The following CACNA1C variants were observed in gnomAD, a reference collection of about 807,000 sequenced individuals.
CACNA1C encodes the protein voltage-dependent L-type calcium channel subunit alpha-1C.
In CACNA1C, 30 loss-of-function variants were observed where a neutral mutation model predicts 229.0. The observed-to-expected ratio is 0.13, with a 90% CI of 0.10 to 0.18. The LOEUF (loss-of-function observed/expected upper bound fraction) is 0.18, where lower values mean the gene tolerates loss of function less well. CACNA1C is among the 10% of genes least tolerant of loss of function. The probability of loss-of-function intolerance (pLI) is 1.00; values close to 1 mark genes in which losing one functional copy is unlikely to be tolerated. For missense variants in CACNA1C, 1,658 were observed against 2,845.0 expected (o/e 0.58, Z 9.49); for synonymous variants, 1,114 against 1,132.5 (o/e 0.98, Z 0.33).
At position 2,345,011 on chromosome 12, in the gene CACNA1C, T is replaced by C. The variant is rs190425325; in HGVS notation, c.478-103965T>C. Among the ~76,000 whole-genome samples the C allele has an allele frequency of 1.3e-3, 198 of 149,682 alleles. 1 individual carries two copies. The highest frequency in any genetic ancestry group is 2.3e-3 in the Non-Finnish European group (158 of 67,698). On this transcript the variant is annotated intron_variant, in intron 3 of 46. Transcript: ENST00000399655. Reference sequence around the variant, plus strand: ...GATTCCAGCTTTTCCCAAACATTTTTGGCCTTGAAATGAAGCTGGGAACCA... The same window carrying C: ...GATTCCAGCTTTTCCCAAACATTTTCGGCCTTGAAATGAAGCTGGGAACCA...
intron 5 of CACNA1C, among the ~76,000 whole-genome samples, chr12:2,468,911 G>A (rs2099575065): frequency 6.6e-6 from 1 of 152,246 alleles, no homozygotes; most frequent in Non-Finnish European, 1.5e-5. Flanking sequence ...TGCCTGCCGT[G>A]CTCACCTTTC....
chr12:2,359,577 G>A (rs1422268658), intron 3 of CACNA1C, among the ~76,000 whole-genome samples: 3 of 149,692 alleles, frequency 2.0e-5, no homozygotes, highest in Admixed American at 6.7e-5. Context: ...GACACAAACT[G>A]TTCAAGGGAA....
At chr12:2,390,200 G>T (rs2098459217) in intron 3 of CACNA1C, among the ~76,000 whole-genome samples, 1 of 152,152 alleles carries the variant, frequency 6.6e-6, no homozygotes, top group Admixed American at 6.5e-5. Flanking sequence ...ATGTAATTTT[G>T]CATTCAAACA....
rs1206044695 is a variant in CACNA1C, at chr12:2,034,366, A to G, written c.139+63165A>G. On this transcript the variant is annotated intron_variant, in intron 1 of 46. Coordinates refer to the CACNA1C transcript ENST00000682462. The surrounding 1 kb of genome is among the most constrained non-coding windows in gnomAD (Gnocchi z 4.1). ...GATAACTGAAAGAGAACTACAGGGA[A>G]GATGTCAGAGGAACGAGATTCCACG... Among the ~76,000 whole-genome samples, 1 of 152,210 alleles carries G rather than the reference A, an allele frequency of 6.6e-6. No individual in the cohort carries two copies. Among genetic ancestry groups the G allele is most frequent in the Non-Finnish European group, 1.5e-5 (1 of 68,032 alleles).
chr12:2,528,489 G>A (rs982717208), intron 9 of CACNA1C, among the ~76,000 whole-genome samples: 12 of 152,170 alleles, frequency 7.9e-5, no homozygotes, highest in Non-Finnish European at 1.8e-4. Context: ...TTCTTCCAAC[G>A]ATCCTCTGCA....
At chr12:2,286,023 C>T (rs1591699429) in intron 3 of CACNA1C, among the ~76,000 whole-genome samples, 1 of 152,274 alleles carries the variant, frequency 6.6e-6, no homozygotes, top group Admixed American at 6.5e-5. Context: ...GTCTCCTAGT[C>T]CTGTCGCCTG....
intron 9 of CACNA1C, among the ~76,000 whole-genome samples, chr12:2,536,019 C>G (rs2099854209): frequency 1.3e-5 from 2 of 152,242 alleles, no homozygotes; most frequent in East Asian, 1.9e-4. Flanking sequence ...TTTAAGGCAG[C>G]AATTTACTTG....
At chr12:2,690,530 C>G (rs1012608076) in intron 46 of CACNA1C, among the ~76,000 whole-genome samples, 1 of 152,182 alleles carries the variant, frequency 6.6e-6, no homozygotes, top group African/African-American at 2.4e-5. Flanking sequence ...ACGAAGTTTC[C>G]CTGTGTTGCC....
chr12:2,173,044 G>C (rs76191534), intron 3 of CACNA1C, among the ~76,000 whole-genome samples: 5,783 of 152,270 alleles, frequency 0.038, 362 homozygotes, highest in African/African-American at 0.13. Flanking sequence ...TGTGAGCGAG[G>C]GAAGCAGTGG....
chr12:2,389,892 G>A (rs1216462822), intron 3 of CACNA1C, among the ~76,000 whole-genome samples: 1 of 152,056 alleles, frequency 6.6e-6, no homozygotes, highest in Admixed American at 6.6e-5. Flanking sequence ...GTGAATTCCC[G>A]TATTTCCCTC....
At chr12:2,394,308 C>G (rs1299764926) in intron 3 of CACNA1C, among the ~76,000 whole-genome samples, 3 of 152,164 alleles carry the variant, frequency 2.0e-5, no homozygotes, top group African/African-American at 7.2e-5. Flanking sequence ...AACTTGGACA[C>G]AGCCATGATA....
rs376249485 is a variant in CACNA1C at position 2,080,605 on chromosome 12, A to AAAAAAAAC, written c.49+27000_49+27001insACAAAAAA. 3.1e-3 allele frequency among the ~76,000 whole-genome samples: 454 copies of AAAAAAAAC among 147,622 alleles called. 3 individuals are homozygous for AAAAAAAAC. Among genetic ancestry groups the AAAAAAAAC allele is most frequent in the African/African-American group, 4.2e-3 (168 of 40,074 alleles). On this transcript the variant is annotated intron_variant, in intron 1 of 46. Coordinates refer to ENST00000399655, the MANE Select transcript of CACNA1C (RefSeq NM_000719.7). ...AACAGAGTGAGACTCTGTCTCAAAAAAAAAAACAAAAAACAAAGAGATAAA... is the reference window on the plus strand; with the variant it reads ...AACAGAGTGAGACTCTGTCTCAAAAAAAAAAAACAAAAAACAAAAAACAAAGAGATAAA...
At chr12:2,165,807 G>A (rs533667974) in intron 3 of CACNA1C, among the ~76,000 whole-genome samples, 1 of 152,276 alleles carries the variant, frequency 6.6e-6, no homozygotes, top group South Asian at 2.1e-4. Context: ...TGTGCAGTAG[G>A]TGAGCTAGAC....
intron 1 of CACNA1C, among the ~76,000 whole-genome samples, chr12:2,092,811 T>G (rs2071847597): frequency 6.6e-6 from 1 of 152,222 alleles, no homozygotes; most frequent in Non-Finnish European, 1.5e-5. Context: ...TTAGCAAAGA[T>G]CACATGGTCA....
chr12:2,675,978 C>T (rs546164518), intron 39 of CACNA1C: 8 of 152,306 alleles, frequency 5.3e-5, no homozygotes, highest in African/African-American at 4.8e-5. Flanking sequence ...TTGGGCTAAG[C>T]GAAAATCTCG....
chr12:2,584,233 G>T (rs1455935887), intron 15 of CACNA1C, among the ~76,000 whole-genome samples: 1 of 152,216 alleles, frequency 6.6e-6, no homozygotes, highest in African/African-American at 2.4e-5. Context: ...CAATTAAAGT[G>T]CAAGGCAGGG....
intron 3 of CACNA1C, among the ~76,000 whole-genome samples, chr12:2,314,167 C>A (rs2095571375): frequency 6.6e-6 from 1 of 152,198 alleles, no homozygotes; most frequent in African/African-American, 2.4e-5. Flanking sequence ...TTCTGAGGAG[C>A]TTGCAGCCTT....
chr12:2,509,403 G>A (rs899829768), intron 8 of CACNA1C, among the ~76,000 whole-genome samples: 1 of 152,148 alleles, frequency 6.6e-6, no homozygotes, highest in Non-Finnish European at 1.5e-5. Flanking sequence ...ATGAAGTAGT[G>A]GACACTGAGA....
Position 2,593,295 on chromosome 12 carries a change from A to G in CACNA1C, c.2613A>G (p.Ala871=). 1 of 1,613,864 alleles carries G rather than the reference A, an allele frequency of 6.2e-7. No individual in the cohort carries two copies. The highest frequency in any genetic ancestry group is 8.5e-7 in the Non-Finnish European group (1 of 1,179,852). The change falls in exon 19 of 47, where the codon GCA becomes GCG. Residue 871 remains alanine, a synonymous_variant. Transcript: ENST00000399655. ...PLSELHLKEK[A]VPMPEASAFF... Reference sequence around the variant, plus strand: ...CTGAGCTTCACCTTAAGGAAAAGGCAGTGCCCATGCCAGAAGCCAGCGCGT... The same window carrying G: ...CTGAGCTTCACCTTAAGGAAAAGGCGGTGCCCATGCCAGAAGCCAGCGCGT...
Sources: gnomAD v4.1 joint callset for allele counts (sites outside exome capture counted in the v4.1 genomes callset) on GRCh38, gnomAD v4.1.1 for gene constraint, Gnocchi (gnomAD v3.1) non-coding constraint, MANE v1.5 for transcripts, NCBI Gene and HGNC (gene_info 2026-07-23, HGNC 2026-07-21) for gene names.